The following DYM variants were observed in gnomAD, a reference collection of about 807,000 sequenced individuals.
DYM encodes the protein dyggve-Melchior-Clausen syndrome protein.
In DYM, 78 loss-of-function variants were observed where a neutral mutation model predicts 93.1. The observed-to-expected ratio is 0.84, with a 90% confidence interval of 0.70 to 1.01. DYM has a LOEUF of 1.01. Among genes scored for constraint, DYM ranks in the 50% least tolerant of loss-of-function variants. The probability of loss-of-function intolerance (pLI) is 0.00; values close to 1 mark genes in which losing one functional copy is unlikely to be tolerated. For missense variants in DYM, 789 were observed against 845.0 expected, an observed-to-expected ratio of 0.93 and a Z score of 0.82; for synonymous variants, 321 against 319.7, an observed-to-expected ratio of 1.00 and a Z score of -0.04.
chr18:49,163,362 G>T (rs1449964810), intron 15 of DYM, among the ~76,000 whole-genome samples: 1 of 151,704 alleles, frequency 6.6e-6, no homozygotes, highest in Non-Finnish European at 1.5e-5. Flanking sequence ...TTATTTTTTT[G>T]AGATGCAGAG....
At chr18:49,350,726 G>GAAAAAAAAAAAAAA (rs72289769) in intron 6 of DYM, among the ~76,000 whole-genome samples, 1 of 119,928 alleles carries the variant, frequency 8.3e-6, no homozygotes, top group Non-Finnish European at 1.8e-5. Flanking sequence ...GAAAAAAAAA[G>GAAAAAAAAAAAAAA]AAAAAAAAAA....
chr18:49,255,354 G>C (rs1019763602), intron 13 of DYM, among the ~76,000 whole-genome samples: 65 of 152,244 alleles, frequency 4.3e-4, no homozygotes, highest in Non-Finnish European at 7.9e-4. Flanking sequence ...CTCCAGCCTG[G>C]TTGACAGAGT....
At chr18:49,187,160 C>T (rs775215707) in intron 14 of DYM, among the ~76,000 whole-genome samples, 2 of 151,992 alleles carry the variant, frequency 1.3e-5, no homozygotes, top group East Asian at 1.9e-4. Context: ...ACCTCATGAT[C>T]GCCCGCCTCG....
chr18:49,360,039 T>A (rs1235356513), intron 6 of DYM, among the ~76,000 whole-genome samples: 1 of 152,174 alleles, frequency 6.6e-6, no homozygotes, highest in African/African-American at 2.4e-5. Context: ...TGAGTGTACA[T>A]AATAGGAGAC....
At chr18:49,065,107 A>C (rs181848372) in intron 17 of DYM, among the ~76,000 whole-genome samples, 1 of 152,298 alleles carries the variant, frequency 6.6e-6, no homozygotes, top group African/African-American at 2.4e-5. Context: ...GAGAGTAACT[A>C]AAAAATACAA....
chr18:49,223,303 A>T lies in DYM; in HGVS notation c.1461-13588T>A, dbSNP rs139543879. Among the ~76,000 whole-genome samples, 16 of 152,266 alleles carry T rather than the reference A, an allele frequency of 1.1e-4. No individual in the cohort carries two copies. The East Asian group carries it at 3.1e-3, about 29-fold the overall frequency. On this transcript the variant is annotated intron_variant, in intron 13 of 17. Coordinates refer to ENST00000675505, the MANE Select transcript of DYM (RefSeq NM_001353214.3). ...CTTAAACTTAGGTCGGGTAGCAAAT[A>T]GTTGCAGTCTGTGTTGTCTCACTTA...
chr18:49,324,394 C>A (rs772701756), intron 8 of DYM, among the ~76,000 whole-genome samples: 2 of 152,022 alleles, frequency 1.3e-5, no homozygotes, highest in South Asian at 4.1e-4. Flanking sequence ...AATATAATAA[C>A]CTTTTAGATA....
In DYM at chr18:49,262,734, T is replaced by A. The variant is rs576011720; in HGVS notation, c.1252-4241A>T. On this transcript the variant is annotated intron_variant, in intron 11 of 17. Coordinates refer to ENST00000675505, the MANE Select transcript of DYM (RefSeq NM_001353214.3). ...GTGGTCCACATCCATTCTTACTGGC[T>A]GGTGTTGGTGCCATACATACTACTT... Among the ~76,000 whole-genome samples the A allele has an allele frequency of 6.6e-4, 100 of 152,336 alleles. 2 individuals carry two copies. The highest frequency in any genetic ancestry group is 2.4e-3 in the African/African-American group (99 of 41,576).
At chr18:49,327,062 GGA>G (rs1267374467) in intron 8 of DYM, among the ~76,000 whole-genome samples, 3 of 112,718 alleles carry the variant, frequency 2.7e-5, no homozygotes, top group East Asian at 6.5e-4. Context: ...AGAGAAAGGG[GGA>G]GAGAGAGAGA....
intron 17 of DYM, among the ~76,000 whole-genome samples, chr18:49,046,192 GCACA>G (rs1200802387): frequency 7.5e-6 from 1 of 133,804 alleles, no homozygotes; most frequent in African/African-American, 2.9e-5. Context: ...ACACAGACAC[GCACA>G]CATAGACACA....
chr18:49,231,344 A>G (rs1421303041), intron 13 of DYM, among the ~76,000 whole-genome samples: 1 of 152,216 alleles, frequency 6.6e-6, no homozygotes, highest in Non-Finnish European at 1.5e-5. Flanking sequence ...TGTTGACACC[A>G]GCAAAGAAAG....
chr18:49,208,108 G>C (rs2092608539), intron 14 of DYM, among the ~76,000 whole-genome samples: 1 of 150,350 alleles, frequency 6.7e-6, no homozygotes, highest in Non-Finnish European at 1.5e-5. Context: ...GCTTGGGCCA[G>C]GGAGGCAGAG....
At chr18:49,271,548 C>A (rs1270302454) in intron 11 of DYM, among the ~76,000 whole-genome samples, 4 of 151,986 alleles carry the variant, frequency 2.6e-5, no homozygotes, top group African/African-American at 9.7e-5. Context: ...ATGGACAGAA[C>A]TGAAAGCATT....
At chr18:49,261,837 C>T (rs889846731) in intron 11 of DYM, among the ~76,000 whole-genome samples, 5 of 152,130 alleles carry the variant, frequency 3.3e-5, no homozygotes, top group African/African-American at 1.2e-4. Flanking sequence ...CATGGAGGAA[C>T]AAACACTATC....
intron 6 of DYM, among the ~76,000 whole-genome samples, chr18:49,360,030 G>C (rs1441256292): frequency 6.6e-6 from 1 of 152,190 alleles, no homozygotes; most frequent in Non-Finnish European, 1.5e-5. Context: ...GGTTAAAGCT[G>C]AGTGTACATA....
chr18:49,393,299 T>C (rs1163147975), intron 2 of DYM, among the ~76,000 whole-genome samples: 1 of 152,030 alleles, frequency 6.6e-6, no homozygotes, highest in Non-Finnish European at 1.5e-5. Flanking sequence ...AAAATTACCA[T>C]CCGGGTAGAT....
intron 8 of DYM, among the ~76,000 whole-genome samples, chr18:49,328,247 A>T (rs77131154): frequency 1.6e-4 from 24 of 152,332 alleles, no homozygotes; most frequent in Non-Finnish European, 2.5e-4. Context: ...CATGTACATA[A>T]GTTACTACAA....
intron 8 of DYM, among the ~76,000 whole-genome samples, chr18:49,289,745 A>AGAAAGG (rs2059936856): frequency 1.6e-5 from 1 of 62,072 alleles, no homozygotes; most frequent in African/African-American, 8.3e-5. Context: ...ATATATATAT[A>AGAAAGG]TATATATATA....
At chr18:49,221,688 T>C (rs2093364238) in intron 13 of DYM, among the ~76,000 whole-genome samples, 1 of 151,888 alleles carries the variant, frequency 6.6e-6, no homozygotes. Context: ...TTCTCACTCA[T>C]AGGTGGGAAT....
Sources: allele counts gnomAD v4.1 joint callset (sites outside exome capture counted in the v4.1 genomes callset), GRCh38; gene constraint gnomAD v4.1.1; transcripts MANE v1.5; gene names NCBI Gene and HGNC (gene_info 2026-07-23, HGNC 2026-07-21).